The following USP34 variants were observed in gnomAD, a reference collection of about 807,000 sequenced individuals.
USP34 encodes ubiquitin carboxyl-terminal hydrolase 34.
Under a neutral mutation model 460.3 loss-of-function variants are expected in USP34, and 70 were observed. The ratio of observed to expected loss-of-function variants is 0.15; its 90% CI spans 0.13 to 0.19. USP34 has a LOEUF of 0.19. Among genes scored for constraint, USP34 ranks in the 10% least tolerant of loss-of-function variants. The pLI is 1.00. For missense variants in USP34, 3,985 were observed against 4,236.2 expected (o/e 0.94, Z 1.65); for synonymous variants, 1,647 against 1,405.3 (o/e 1.17, Z -3.85).
At chr2:61,287,344 C>T (rs1034334386) in intron 34 of USP34, among the ~76,000 whole-genome samples, 1 of 152,178 alleles carries the variant, frequency 6.6e-6, no homozygotes, top group African/African-American at 2.4e-5. Context: ...TGATCACTCC[C>T]TACCTCCCGA....
At chr2:61,428,566 T>C (rs1694576812) in intron 1 of USP34, among the ~76,000 whole-genome samples, 1 of 152,148 alleles carries the variant, frequency 6.6e-6, no homozygotes. Context: ...TGCCAAGAAA[T>C]TTAACCTGAA....
Position 61,203,208 on chromosome 2 carries a change from T to C in USP34, c.9440A>G (p.Gln3147Arg). 6.2e-7 allele frequency: 1 copy of C among 1,602,538 alleles called. No individual in the cohort carries two copies. The highest frequency in any genetic ancestry group is 8.5e-7 in the Non-Finnish European group (1 of 1,174,648). ...AACTCGGCATAATAGATGGATGAAC[T>C]GATGATAAGAAAAGAAGTAGTCTAG... ...MLLDYFFSYH[Q>R]FIHLLCRVAI... is the part of the protein sequence containing the mutation. Residue 3147 changes from glutamine to arginine, a missense_variant, in exon 75 of 80, where the codon CAG becomes CGG. Around this residue, in one of 14 missense-constraint regions of USP34, gnomAD observed 28 missense variants for 36.8 expected, o/e 0.76. Transcript: ENST00000398571.
chr2:61,261,971 A>G (rs1216554016), intron 43 of USP34, among the ~76,000 whole-genome samples: 1 of 151,220 alleles, frequency 6.6e-6, no homozygotes, highest in Non-Finnish European at 1.5e-5. Context: ...GGTGCCTGTA[A>G]TCCCAGCTAT....
At chr2:61,436,349 G>A (rs778791554) in intron 1 of USP34, among the ~76,000 whole-genome samples, 1 of 152,108 alleles carries the variant, frequency 6.6e-6, no homozygotes, top group Admixed American at 6.6e-5. Context: ...TAGACTAAAA[G>A]TGAAAGGACG....
At chr2:61,311,944 TACCATTTTAA>T (rs1690605920) in intron 25 of USP34, 34 bp from the exon 26 acceptor site, 7 of 1,603,516 alleles carry the variant, frequency 4.4e-6, no homozygotes, top group Non-Finnish European at 5.1e-6. Flanking sequence ...ATAGAAAGGA[TACCATTTTAA>T]ACCATTTTAA....
At position 61,437,501 on chromosome 2, in the gene USP34, C is replaced by T. The variant is rs377507777; in HGVS notation, c.44-16668G>A. The stretch of plus-strand genomic sequence containing the variant: ...TAAGAAATAAAAAACCTGCCAGGCA[C>T]GGTGGCTCATGCCTGTAATCCCAGC... On this transcript the variant is annotated intron_variant, in intron 1 of 79. Coordinates refer to ENST00000398571, the MANE Select transcript of USP34 (RefSeq NM_014709.4). Among the ~76,000 whole-genome samples, 6 of 152,184 alleles carry T rather than the reference C, an allele frequency of 3.9e-5. No individual in the cohort carries two copies. The East Asian group carries it at 1.2e-3, about 29-fold the overall frequency.
chr2:61,189,203 C>A, intron 78 of USP34, 134 bp from the exon 79 acceptor site: 1 of 910,240 alleles, frequency 1.1e-6, no homozygotes, highest in African/African-American at 1.7e-5. Flanking sequence ...CTCTGGGATT[C>A]TTAGAATGAT....
At chr2:61,278,997 T>C (rs548392251) in intron 39 of USP34, among the ~76,000 whole-genome samples, 1 of 152,054 alleles carries the variant, frequency 6.6e-6, no homozygotes, top group Non-Finnish European at 1.5e-5. Context: ...AAAATCTAAC[T>C]TGAGTCCCCT....
chr2:61,256,737 A>G (rs959450496), intron 47 of USP34, 136 bp downstream of exon 47: 31 of 691,642 alleles, frequency 4.5e-5, no homozygotes, highest in Non-Finnish European at 6.8e-5. Context: ...TTTAACTCTT[A>G]TTTGAATAGT....
chr2:61,222,857 G>T, intron 64 of USP34, 194 bp from the exon 65 acceptor site: 2 of 679,822 alleles, frequency 2.9e-6, no homozygotes, highest in Admixed American at 6.0e-5. Flanking sequence ...CACTACACCC[G>T]GCTAGATTTT....
In USP34 at chr2:61,284,195, T is replaced by C. The variant is rs183909181; in HGVS notation, c.4832+680A>G. On this transcript the variant is annotated intron_variant, in intron 35 of 79. Transcript: ENST00000398571. ...GTAAACCCTCAAGAAGTGCTCATGA[T>C]TTAGTTACTAAAGAGATGTGTGTGA... 1.4e-3 allele frequency among the ~76,000 whole-genome samples: 213 copies of C among 152,326 alleles called. 2 individuals are homozygous for C. Among genetic ancestry groups the C allele is most frequent in the Non-Finnish European group, 4.1e-4 (28 of 68,028 alleles).
rs760027759 is a variant in USP34 at position 61,314,760 on chromosome 2, T to A, written c.3383-16A>T. The A allele has an allele frequency of 1.3e-6, 2 of 1,577,652 alleles. No individual in the cohort carries two copies. The highest frequency in any genetic ancestry group is 2.4e-5 in the South Asian group (2 of 83,540). On this transcript the variant is annotated splice_polypyrimidine_tract_variant and intron_variant, in intron 24 of 79. Coordinates refer to ENST00000398571, the MANE Select transcript of USP34 (RefSeq NM_014709.4). Reference sequence around the variant, plus strand: ...CCTGTTTTACCTGAAAGCCAAATGTTTAGACACATATATTAGCCTTATATT... The same window carrying A: ...CCTGTTTTACCTGAAAGCCAAATGTATAGACACATATATTAGCCTTATATT...
chr2:61,415,037 G>C (rs1048260125), intron 2 of USP34, among the ~76,000 whole-genome samples: 19 of 152,172 alleles, frequency 1.2e-4, no homozygotes, highest in African/African-American at 4.6e-4. Context: ...TGTGTGGGGA[G>C]GTTGCAAAGC....
chr2:61,303,101 C>T (rs905759437), intron 27 of USP34, among the ~76,000 whole-genome samples: 2 of 152,016 alleles, frequency 1.3e-5, no homozygotes, highest in African/African-American at 2.4e-5. Flanking sequence ...GAGTGTCACT[C>T]TGTCACCCAG....
In USP34 at chr2:61,188,165, G is replaced by A. The variant is rs762982938; in HGVS notation, c.10578C>T (p.Thr3526=). ...TGACGACATGGATTGTAGATTCAAT[G>A]GTCCTACACAGGGTATCTAAAATGT... ...QHDILDTLCR[T]IESTIHVVTR... is the part of the protein sequence containing the mutation. Residue 3526 remains threonine, a synonymous_variant, in exon 80 of 80, where the codon ACC becomes ACT. Transcript: ENST00000398571. 3.7e-6 allele frequency: 6 copies of A among 1,614,064 alleles called. No individual in the cohort carries two copies. The Admixed American group carries it at 8.3e-5, about 22-fold the overall frequency.
chr2:61,331,259 AG>A lies in USP34; in HGVS notation c.2930+16del. 1 of 1,589,304 alleles carries A rather than the reference AG, an allele frequency of 6.3e-7. No individual in the cohort carries two copies. Among genetic ancestry groups the A allele is most frequent in the Non-Finnish European group, 8.6e-7 (1 of 1,163,292 alleles). ...ACATCGACACAAATGTATTTAACCC[AG>A]TTGAGAGGTACTTACAGTGCATGTT... is the stretch of plus-strand genomic sequence containing the variant. On this transcript the variant is annotated intron_variant, in intron 20 of 79. Coordinates refer to ENST00000398571, the MANE Select transcript of USP34 (RefSeq NM_014709.4).
At chr2:61,315,851 C>G (rs922984909) in intron 23 of USP34, among the ~76,000 whole-genome samples, 3 of 151,966 alleles carry the variant, frequency 2.0e-5, no homozygotes, top group African/African-American at 7.3e-5. Flanking sequence ...AAAAGGTAAA[C>G]TTATTTCATA....
intron 1 of USP34, among the ~76,000 whole-genome samples, chr2:61,427,977 A>C (rs1694559914): frequency 6.6e-6 from 1 of 152,074 alleles, no homozygotes; most frequent in Non-Finnish European, 1.5e-5. Flanking sequence ...AGCCTGGCCA[A>C]CATGGTGAAA....
intron 1 of USP34, among the ~76,000 whole-genome samples, chr2:61,432,641 T>C (rs925126591): frequency 6.6e-6 from 1 of 152,168 alleles, no homozygotes; most frequent in African/African-American, 2.4e-5. Flanking sequence ...AATGGTTATT[T>C]TAATATATTT....
Sources: gnomAD v4.1 joint callset for allele counts (sites outside exome capture counted in the v4.1 genomes callset) on GRCh38, gnomAD v4.1.1 for gene constraint, gnomAD v4.1.1 regional missense constraint, MANE v1.5 for transcripts, NCBI Gene and HGNC (gene_info 2026-07-23, HGNC 2026-07-21) for gene names.